AKAP12: variants seen among roughly 807,000 people sequenced by gnomAD.
AKAP12 encodes A-kinase anchoring protein 12.
Under a neutral mutation model 79.9 loss-of-function variants are expected in AKAP12, and 32 were observed. The observed-to-expected ratio is 0.40, with a 90% CI of 0.30 to 0.54. The LOEUF is 0.54. AKAP12 is among the 20% of genes least tolerant of loss of function. The pLI is 0.48. For synonymous variants in AKAP12, 808 were observed against 857.0 expected (o/e 0.94, Z 1.00); for missense variants, 2,074 against 2,177.0 (o/e 0.95, Z 0.94).
intron 2 of AKAP12, among the ~76,000 whole-genome samples, chr6:151,279,574 G>A (rs548338923): frequency 6.6e-6 from 1 of 152,196 alleles, no homozygotes; most frequent in East Asian, 1.9e-4. Flanking sequence ...TCTGACCATG[G>A]AGAAGGCATT....
rs765638395 is a variant in AKAP12 at position 151,349,798 on chromosome 6, G to A, written c.1407G>A (p.Thr469=). 1.2e-5 allele frequency: 20 copies of A among 1,614,070 alleles called. No homozygotes were observed. The highest frequency in any genetic ancestry group is 2.7e-5 in the African/African-American group (2 of 75,026). ...PAKELVKLKE[T]CVSGEDPTQG... ...AGGAGCTGGTGAAGCTCAAAGAAACGTGTGTTTCCGGAGAGGACCCTACAC... is the reference window on the plus strand; with the variant it reads ...AGGAGCTGGTGAAGCTCAAAGAAACATGTGTTTCCGGAGAGGACCCTACAC... Residue 469 remains threonine (T), a synonymous_variant, in exon 4 of 5, where the codon ACG becomes ACA. Transcript: ENST00000402676.
chr6:151,262,938 T>G (rs373356470), intron 2 of AKAP12, among the ~76,000 whole-genome samples: 18 of 152,170 alleles, frequency 1.2e-4, no homozygotes, highest in African/African-American at 3.9e-4. Flanking sequence ...GGGTCTCAAT[T>G]CCCTTATACT....
At chr6:151,315,727 A>G (rs989244991) in intron 3 of AKAP12, among the ~76,000 whole-genome samples, 1 of 152,190 alleles carries the variant, frequency 6.6e-6, no homozygotes, top group South Asian at 2.1e-4. Context: ...GTTATAAAGA[A>G]CTGCCCAAGA....
chr6:151,264,911 G>A (rs9371497), intron 2 of AKAP12, among the ~76,000 whole-genome samples: 32,600 of 151,844 alleles, frequency 0.21, 3,725 homozygotes, highest in Non-Finnish European at 0.25. Context: ...CAGCACTTTC[G>A]GAGGCTGAGG....
intron 2 of AKAP12, among the ~76,000 whole-genome samples, chr6:151,270,144 C>T (rs934511637): frequency 6.6e-6 from 1 of 152,160 alleles, no homozygotes; most frequent in South Asian, 2.1e-4. Context: ...GCAACCTCCG[C>T]CTCCTGGGTT....
intron 2 of AKAP12, among the ~76,000 whole-genome samples, chr6:151,250,953 T>G (rs1376556263): frequency 6.6e-6 from 1 of 152,104 alleles, no homozygotes; most frequent in Non-Finnish European, 1.5e-5. Flanking sequence ...TCTAGATGCT[T>G]TGGGAGATAA....
At chr6:151,344,460 C>CA (rs1261382253) in intron 3 of AKAP12, among the ~76,000 whole-genome samples, 71 of 151,202 alleles carry the variant, frequency 4.7e-4, no homozygotes, top group African/African-American at 9.2e-4. Flanking sequence ...GGTACAAGGA[C>CA]AAAAAAAAAC....
At chr6:151,252,785 C>T (rs574158660) in intron 2 of AKAP12, among the ~76,000 whole-genome samples, 128 of 151,654 alleles carry the variant, frequency 8.4e-4, no homozygotes, top group African/African-American at 2.7e-3. Flanking sequence ...GAGATGCCGC[C>T]GGATGAGCAG....
chr6:151,324,198 A>G (rs1777465992), intron 3 of AKAP12: 1 of 985,338 alleles, frequency 1.0e-6, no homozygotes, highest in Admixed American at 6.1e-5. Flanking sequence ...GAAGCAGCTC[A>G]GTGGCTGGGT....
intron 2 of AKAP12, chr6:151,280,576 C>T (rs1448305869): frequency 6.6e-6 from 1 of 151,758 alleles, no homozygotes; most frequent in Admixed American, 6.6e-5. Context: ...TGTATCGTTT[C>T]CATTTTAGTG....
rs747814802 is a variant in AKAP12 at position 151,352,203 on chromosome 6, CTGA to C, written c.3816_3818del (p.Asp1272del). ...GGGACTCAAGAGGCTGACCAGTATG[CTGA>C]TGAGAAAACCAAAGACGTACCATTT... On this transcript the variant is annotated inframe_deletion, in exon 4 of 5. Coordinates refer to ENST00000402676, the MANE Select transcript of AKAP12 (RefSeq NM_005100.4). 1 of 1,614,156 alleles carries C rather than the reference CTGA, an allele frequency of 6.2e-7. No individual in the cohort carries two copies. The highest frequency in any genetic ancestry group is 8.5e-7 in the Non-Finnish European group (1 of 1,180,032).
At chr6:151,270,605 A>G (rs2114710555) in intron 2 of AKAP12, among the ~76,000 whole-genome samples, 1 of 152,340 alleles carries the variant, frequency 6.6e-6, no homozygotes, top group East Asian at 1.9e-4. Context: ...AGGAACTGGC[A>G]GACTTTTCCA....
intron 2 of AKAP12, among the ~76,000 whole-genome samples, chr6:151,283,876 C>A (rs939356560): frequency 1.3e-5 from 2 of 152,170 alleles, no homozygotes; most frequent in African/African-American, 4.8e-5. Context: ...CATTTCACAT[C>A]GACCCATTCT....
In AKAP12 at chr6:151,349,112, G is replaced by C. The variant is rs1376658840; in HGVS notation, c.721G>C (p.Glu241Gln). 1 of 1,613,122 alleles carries C rather than the reference G, an allele frequency of 6.2e-7. No individual in the cohort carries two copies. The highest frequency in any genetic ancestry group is 8.5e-7 in the Non-Finnish European group (1 of 1,179,902). ...CAAACAATCTACAGAGAAACCCGAA[G>C]AGACCCTGAAGCGTGAGCAAAGCCA... ...EPKQSTEKPE[E>Q]TLKREQSHAE... The change falls in exon 4 of 5, where the codon GAG (glutamate) becomes CAG (glutamine). Residue 241 changes from glutamate to glutamine, a missense_variant. Around this residue, in one of 3 missense-constraint regions of AKAP12, gnomAD observed 1,428 missense variants for 1,451.0 expected, o/e 0.98. Coordinates refer to ENST00000402676, the MANE Select transcript of AKAP12 (RefSeq NM_005100.4).
In AKAP12 at chr6:151,350,763, A is replaced by G. The variant is rs767478480; in HGVS notation, c.2372A>G (p.His791Arg). 6.2e-7 allele frequency: 1 copy of G among 1,614,032 alleles called. No individual in the cohort carries two copies. Among genetic ancestry groups the G allele is most frequent in the Non-Finnish European group, 8.5e-7 (1 of 1,179,958 alleles). Residue 791 changes from histidine to arginine, a missense_variant, in exon 4 of 5, where the codon CAT (histidine) becomes CGT (arginine). His to Arg is a conservative substitution (Grantham distance 29). Coordinates refer to ENST00000402676, the MANE Select transcript of AKAP12 (RefSeq NM_005100.4). The surrounding 1 kb of genome is among the most constrained non-coding windows in gnomAD (Gnocchi z 4.8). ...EDSIAGSGVE[H>R]STPDTEPGKE... ...TCCATAGCTGGGTCTGGTGTAGAAC[A>G]TTCCACTCCAGACACTGAACCCGGT...
Position 151,332,033 on chromosome 6 carries a change from G to GTTTTTGTT in AKAP12, c.320-16673_320-16672insGTTTTTTT, listed in dbSNP as rs1777687193. Among the ~76,000 whole-genome samples, 3 of 79,682 alleles carry GTTTTTGTT rather than the reference G, an allele frequency of 3.8e-5. 1 individual carries two copies. In the South Asian group the frequency reaches 1.7e-3, roughly 45 times the overall value. 52.3% of individuals were successfully genotyped at this position (79,682 alleles called of 152,430 possible). ...GAGTAGCACGTCCAGTTCTGGGTCT[G>GTTTTTGTT]TTTTTTTTTTTTTTTTTTTTTGAGA... On this transcript the variant is annotated intron_variant, in intron 3 of 4. Transcript: ENST00000402676.
At chr6:151,263,814 G>A (rs1424529829) in intron 2 of AKAP12, among the ~76,000 whole-genome samples, 1 of 151,936 alleles carries the variant, frequency 6.6e-6, no homozygotes, top group Admixed American at 6.6e-5. Context: ...CCTGACCTCA[G>A]GTGATCCTCC....
chr6:151,289,271 C>G, intron 2 of AKAP12, among the ~76,000 whole-genome samples: 1 of 152,138 alleles, frequency 6.6e-6, no homozygotes. Context: ...ACTCTCCACC[C>G]CTAATGTTGA....
At chr6:151,257,373 T>G (rs1797322849) in intron 2 of AKAP12, among the ~76,000 whole-genome samples, 1 of 152,158 alleles carries the variant, frequency 6.6e-6, no homozygotes. Flanking sequence ...CTCAACTCAC[T>G]GAAACCTCTG....
Sources: gnomAD v4.1 joint callset for allele counts (sites outside exome capture counted in the v4.1 genomes callset) on GRCh38, gnomAD v4.1.1 for gene constraint, gnomAD v4.1.1 regional missense constraint, Gnocchi (gnomAD v3.1) non-coding constraint, MANE v1.5 for transcripts, NCBI Gene and HGNC (gene_info 2026-07-23, HGNC 2026-07-21) for gene names.